Variants in TMEM182 observed in about 807,000 individuals in gnomAD.
TMEM182 encodes transmembrane protein 182.
Under a neutral mutation model 26.8 loss-of-function variants are expected in TMEM182, and 20 were observed. The ratio of observed to expected loss-of-function variants is 0.75; its 90% confidence interval spans 0.53 to 1.09. The LOEUF (loss-of-function observed/expected upper bound fraction) is 1.09. TMEM182 is among the 50% of genes least tolerant of loss of function. The pLI is 0.00. For synonymous variants in TMEM182, 109 were observed against 102.2 expected (o/e 1.07, Z -0.40); for missense variants, 277 against 275.5 (o/e 1.01, Z -0.04).
chr2:102,753,801 T>C (rs1679953937), intron 1 of TMEM182, among the ~76,000 whole-genome samples: 1 of 152,246 alleles, frequency 6.6e-6, no homozygotes, highest in Admixed American at 6.5e-5. Context: ...GATGAATAGC[T>C]GAATTTTTAC....
At position 102,744,017 on chromosome 2, in the gene TMEM182, CCTCT is replaced by C. The variant is rs907351393; in HGVS notation, c.-83+7007_-83+7010del. 1.4e-4 allele frequency among the ~76,000 whole-genome samples: 22 copies of C among 152,108 alleles called. 1 individual carries two copies. Among genetic ancestry groups the C allele is most frequent in the Non-Finnish European group, 4.4e-5 (3 of 68,006 alleles). On this transcript the variant is annotated intron_variant, in intron 1 of 5. Transcript: ENST00000409173. ...ACGATTACAGTTGCAGACTTTAACA[CCTCT>C]CTATCAGTAATTTATAGATAAGATA...
In TMEM182 at chr2:102,815,774, T is replaced by C; in HGVS notation, c.*806T>C. The C allele has an allele frequency of 2.1e-6, 2 of 931,098 alleles. No homozygotes were observed. The highest frequency in any genetic ancestry group is 1.8e-5 in the African/African-American group (1 of 56,122). 57.7% of individuals were successfully genotyped at this position (931,098 alleles called of 1,614,324 possible). On this transcript the variant is annotated 3_prime_UTR_variant, in exon 5 of 5. Coordinates refer to ENST00000412401, the MANE Select transcript of TMEM182 (RefSeq NM_144632.5). ...ATTTCCGCTTGGTCCATAATTCTAT[T>C]TGATATTTTAAAATTCTCATTTAAA...
chr2:102,751,710 GT>G (rs1156509864), intron 1 of TMEM182, among the ~76,000 whole-genome samples: 1 of 152,066 alleles, frequency 6.6e-6, no homozygotes, highest in Non-Finnish European at 1.5e-5. Context: ...TAGAGACAGG[GT>G]CTCACTCTGT....
chr2:102,790,995 G>A (rs1482117605), intron 3 of TMEM182, among the ~76,000 whole-genome samples: 3 of 151,996 alleles, frequency 2.0e-5, no homozygotes, highest in African/African-American at 7.3e-5. Context: ...GAGTGTAGTG[G>A]CACCATCTCG....
chr2:102,814,485 T>A (rs566412397), intron 4 of TMEM182, among the ~76,000 whole-genome samples: 130 of 152,254 alleles, frequency 8.5e-4, no homozygotes, highest in African/African-American at 2.9e-3. Flanking sequence ...CTTACTACAG[T>A]CCTTGGCACC....
At chr2:102,777,225 C>G (rs1680956359) in intron 3 of TMEM182, among the ~76,000 whole-genome samples, 1 of 151,976 alleles carries the variant, frequency 6.6e-6, no homozygotes, top group Non-Finnish European at 1.5e-5. Flanking sequence ...CATTACCCAA[C>G]CCAAGATTCC....
downstream of TMEM182, among the ~76,000 whole-genome samples, chr2:102,818,876 A>T (rs189386876): frequency 4.0e-4 from 61 of 152,286 alleles, no homozygotes; most frequent in African/African-American, 1.4e-3. Flanking sequence ...AACGATTTGG[A>T]TTCTTCAAAT....
chr2:102,823,372 G>A (rs372420025), intron 3 of TMEM182, among the ~76,000 whole-genome samples: 11 of 151,770 alleles, frequency 7.2e-5, no homozygotes, highest in African/African-American at 1.4e-4. Context: ...TCAAACTGTC[G>A]CCTGGGCTGG....
chr2:102,759,490 A>G (rs372381894), upstream of TMEM182, among the ~76,000 whole-genome samples: 39 of 152,314 alleles, frequency 2.6e-4, no homozygotes, highest in East Asian at 7.1e-3. Flanking sequence ...TGTAACCTCA[A>G]TATCTGATAA....
At chr2:102,781,813 A>G (rs1681177259) in intron 3 of TMEM182, among the ~76,000 whole-genome samples, 1 of 152,146 alleles carries the variant, frequency 6.6e-6, no homozygotes, top group Non-Finnish European at 1.5e-5. Flanking sequence ...TGGGATTTTT[A>G]CTTATCAAGC....
At chr2:102,806,530 C>T (rs954876496) in intron 4 of TMEM182, among the ~76,000 whole-genome samples, 2 of 152,148 alleles carry the variant, frequency 1.3e-5, no homozygotes, top group African/African-American at 4.8e-5. Context: ...CTGGAAGACA[C>T]CACAGCGAGT....
intron 3 of TMEM182, among the ~76,000 whole-genome samples, chr2:102,777,826 G>A (rs373944175): frequency 5.6e-5 from 8 of 141,692 alleles, no homozygotes; most frequent in African/African-American, 2.1e-4. Flanking sequence ...CCAGTACTAC[G>A]TTTCTGTCAT....
At chr2:102,768,280 T>A (rs1302512945) in intron 3 of TMEM182, among the ~76,000 whole-genome samples, 1 of 152,154 alleles carries the variant, frequency 6.6e-6, no homozygotes, top group Admixed American at 6.5e-5. Flanking sequence ...AATGCATATT[T>A]TGGGGAGACT....
At chr2:102,786,770 C>T (rs952289629) in intron 3 of TMEM182, among the ~76,000 whole-genome samples, 1 of 152,208 alleles carries the variant, frequency 6.6e-6, no homozygotes, top group Admixed American at 6.5e-5. Flanking sequence ...TCTCTACTTA[C>T]TCATATTTTA....
chr2:102,789,940 C>T (rs1681563541), intron 3 of TMEM182, among the ~76,000 whole-genome samples: 1 of 152,132 alleles, frequency 6.6e-6, no homozygotes, highest in African/African-American at 2.4e-5. Context: ...GCCTTCTGCC[C>T]CATGAATTGT....
intron 1 of TMEM182, among the ~76,000 whole-genome samples, chr2:102,748,734 C>CT (rs1679789195): frequency 1.3e-5 from 2 of 152,142 alleles, no homozygotes; most frequent in South Asian, 4.1e-4. Context: ...TTTTCTCTGT[C>CT]TTTTCTTTTT....
intron 3 of TMEM182, among the ~76,000 whole-genome samples, chr2:102,797,288 T>C (rs927046656): frequency 1.3e-5 from 2 of 152,218 alleles, no homozygotes; most frequent in Admixed American, 1.3e-4. Flanking sequence ...ATGGTTTTGC[T>C]TGTCATTTTT....
At chr2:102,752,710 C>T (rs980461194) in intron 1 of TMEM182, among the ~76,000 whole-genome samples, 12 of 152,230 alleles carry the variant, frequency 7.9e-5, no homozygotes, top group African/African-American at 2.9e-4. Context: ...GAGCCTCTTA[C>T]AAGCACCTCG....
chr2:102,806,314 G>A (rs534742423), intron 4 of TMEM182, among the ~76,000 whole-genome samples: 32 of 152,282 alleles, frequency 2.1e-4, no homozygotes, highest in African/African-American at 7.2e-4. Flanking sequence ...TGATGGGCAG[G>A]GGAAGGCGGT....
Sources: allele counts gnomAD v4.1 joint callset (sites outside exome capture counted in the v4.1 genomes callset), GRCh38; gene constraint gnomAD v4.1.1; transcripts MANE v1.5; gene names NCBI Gene and HGNC (gene_info 2026-07-23, HGNC 2026-07-21).